Variants in SDC2 observed in about 807,000 individuals in gnomAD.
SDC2 encodes the protein syndecan-2.
SDC2 carries 13 observed loss-of-function variants against 22.2 expected under a neutral mutation model. The ratio of observed to expected loss-of-function variants is 0.59; its 90% CI spans 0.38 to 0.93. The LOEUF is 0.93. SDC2 is among the 40% of genes least tolerant of loss of function. SDC2 has a pLI of 0.00. For synonymous variants in SDC2, 94 were observed against 92.8 expected (o/e 1.01, Z -0.07); for missense variants, 235 against 246.8 (o/e 0.95, Z 0.32).
chr8:96,527,956 A>G (rs547452970), intron 1 of SDC2, among the ~76,000 whole-genome samples: 53 of 152,350 alleles, frequency 3.5e-4, no homozygotes, highest in African/African-American at 1.2e-3. Flanking sequence ...TTCTACTACC[A>G]AATATTAAAA....
At chr8:96,608,088 A>G (rs1815113075) in intron 3 of SDC2, among the ~76,000 whole-genome samples, 1 of 152,130 alleles carries the variant, frequency 6.6e-6, no homozygotes. Context: ...TGTCCTTAGG[A>G]TTATTATGAA....
intron 2 of SDC2, among the ~76,000 whole-genome samples, chr8:96,601,236 T>C (rs552261415): frequency 6.6e-6 from 1 of 152,190 alleles, no homozygotes; most frequent in South Asian, 2.1e-4. Flanking sequence ...CAAAACAGTA[T>C]TAATAGTGAT....
At chr8:96,552,155 T>C (rs1390479384) in intron 1 of SDC2, among the ~76,000 whole-genome samples, 2 of 152,226 alleles carry the variant, frequency 1.3e-5, no homozygotes, top group Non-Finnish European at 2.9e-5. Flanking sequence ...CCTGCTTTAC[T>C]CAAATCTTGT....
intron 1 of SDC2, among the ~76,000 whole-genome samples, chr8:96,511,890 A>C (rs1486595042): frequency 1.3e-5 from 2 of 151,998 alleles, no homozygotes; most frequent in East Asian, 3.9e-4. Context: ...TTAGAGTAAC[A>C]GCTAAGCTGT....
chr8:96,498,643 A>G (rs1813112518), intron 1 of SDC2, among the ~76,000 whole-genome samples: 1 of 152,036 alleles, frequency 6.6e-6, no homozygotes, highest in African/African-American at 2.4e-5. Context: ...GGCACATGCC[A>G]CTGCACCTGG....
chr8:96,549,659 T>C (rs989153627), intron 1 of SDC2, among the ~76,000 whole-genome samples: 1 of 152,172 alleles, frequency 6.6e-6, no homozygotes, highest in Non-Finnish European at 1.5e-5. Flanking sequence ...TCAAGGAAAA[T>C]GTGGTTCTGT....
chr8:96,576,581 G>A (rs904878800), intron 1 of SDC2, among the ~76,000 whole-genome samples: 6 of 137,202 alleles, frequency 4.4e-5, no homozygotes, highest in Non-Finnish European at 6.3e-5. Context: ...CACTACGCCC[G>A]GCTAATTTTT....
intron 1 of SDC2, chr8:96,537,539 A>G (rs1813773691): frequency 6.6e-6 from 1 of 152,226 alleles, no homozygotes. Context: ...TGCGGGAAAT[A>G]GCAAATCAGG....
intron 1 of SDC2, among the ~76,000 whole-genome samples, chr8:96,574,878 T>C (rs1328097755): frequency 6.6e-6 from 1 of 152,202 alleles, no homozygotes; most frequent in Non-Finnish European, 1.5e-5. Context: ...AAGACAGTTT[T>C]TCCACTGACC....
At chr8:96,502,295 G>GT (rs1403027112) in intron 1 of SDC2, among the ~76,000 whole-genome samples, 1 of 152,142 alleles carries the variant, frequency 6.6e-6, no homozygotes, top group Non-Finnish European at 1.5e-5. Flanking sequence ...CCGCCCCCAT[G>GT]TTTCAGTTAT....
intron 3 of SDC2, among the ~76,000 whole-genome samples, chr8:96,606,502 A>G (rs1035329366): frequency 6.3e-4 from 96 of 152,334 alleles, no homozygotes; most frequent in Non-Finnish European, 2.4e-4. Context: ...TGTCTGGAGA[A>G]CTTAAATAGC....
At chr8:96,513,455 T>TA (rs540020268) in intron 1 of SDC2, among the ~76,000 whole-genome samples, 20 of 152,202 alleles carry the variant, frequency 1.3e-4, no homozygotes, top group Non-Finnish European at 2.6e-4. Flanking sequence ...GAGATATAAA[T>TA]AGAGGCAGAA....
At chr8:96,602,211 A>G (rs1815000029) in intron 2 of SDC2, among the ~76,000 whole-genome samples, 184 bp from the exon 3 acceptor site, 1 of 152,210 alleles carries the variant, frequency 6.6e-6, no homozygotes, top group African/African-American at 2.4e-5. Context: ...CTACCCACAG[A>G]CACCTTTGAA....
chr8:96,560,222 A>C (rs1814186008), intron 1 of SDC2, among the ~76,000 whole-genome samples: 1 of 152,142 alleles, frequency 6.6e-6, no homozygotes, highest in Admixed American at 6.5e-5. Flanking sequence ...TATCTTTCTA[A>C]ACTAGTATTT....
At chr8:96,546,037 C>T (rs539079056) in intron 1 of SDC2, among the ~76,000 whole-genome samples, 2 of 152,292 alleles carry the variant, frequency 1.3e-5, no homozygotes, top group South Asian at 4.1e-4. Context: ...AAGGTATAGA[C>T]CGCTGACAAA....
intron 1 of SDC2, among the ~76,000 whole-genome samples, chr8:96,592,327 T>C (rs1814795198): frequency 1.3e-5 from 2 of 152,226 alleles, no homozygotes; most frequent in Admixed American, 6.5e-5. Context: ...TCACAGCGAC[T>C]GCTGGAAGAG....
In SDC2 at chr8:96,611,547, A is replaced by G. The variant is rs2130672517; in HGVS notation, c.*1999A>G. 1 of 152,766 alleles carries G rather than the reference A, an allele frequency of 6.5e-6. No homozygotes were observed. The highest frequency in any genetic ancestry group is 1.5e-5 in the Non-Finnish European group (1 of 68,036). 9.5% of individuals were successfully genotyped at this position (152,766 alleles called of 1,614,324 possible). On this transcript the variant is annotated 3_prime_UTR_variant, in exon 5 of 5. Coordinates refer to ENST00000302190, the MANE Select transcript of SDC2 (RefSeq NM_002998.4). ...TTCACTTTAGAGTGACTAAAAGGAA[A>G]CGATAGCCTAGCTTTCTAAAGCCAC...
rs545010003 is a variant in SDC2 at position 96,601,571 on chromosome 8, G to A, written c.173-824G>A. Among the ~76,000 whole-genome samples, 10 of 146,894 alleles carry A rather than the reference G, an allele frequency of 6.8e-5. No homozygotes were observed. The East Asian group carries it at 2.1e-3, about 31-fold the overall frequency. On this transcript the variant is annotated intron_variant, in intron 2 of 4. Transcript: ENST00000302190. The stretch of plus-strand genomic sequence containing the variant: ...CAGGAGAATCACTTCAACCTGGAAG[G>A]CAGAGGTTGCAGTGAGCCCAGATTG...
chr8:96,524,664 G>A (rs998303240), intron 1 of SDC2, among the ~76,000 whole-genome samples: 1 of 151,568 alleles, frequency 6.6e-6, no homozygotes, highest in Non-Finnish European at 1.5e-5. Context: ...AGGGTGGCTG[G>A]CGTAATGAAC....
Sources: gnomAD v4.1 joint callset for allele counts (sites outside exome capture counted in the v4.1 genomes callset) on GRCh38, gnomAD v4.1.1 for gene constraint, MANE v1.5 for transcripts, NCBI Gene and HGNC (gene_info 2026-07-23, HGNC 2026-07-21) for gene names.